The following WARS2 variants were observed in gnomAD, a reference collection of about 807,000 sequenced individuals.
WARS2 encodes the protein tryptophan--tRNA ligase, mitochondrial.
WARS2 carries 28 observed loss-of-function variants against 36.5 expected under a neutral mutation model. That is an observed-to-expected ratio of 0.77 (90% CI 0.57 to 1.05). The LOEUF (loss-of-function observed/expected upper bound fraction) is 1.05. Among genes scored for constraint, WARS2 ranks in the 50% least tolerant of loss-of-function variants. The probability of loss-of-function intolerance (pLI) is 0.00; values close to 1 mark genes in which losing one functional copy is unlikely to be tolerated. For missense variants in WARS2, 435 were observed against 456.8 expected, an observed-to-expected ratio of 0.95 and a Z score of 0.44; for synonymous variants, 174 against 178.4, an observed-to-expected ratio of 0.98 and a Z score of 0.20.
At chr1:119,130,268 C>T (rs927188884) in intron 1 of WARS2, among the ~76,000 whole-genome samples, 1 of 152,176 alleles carries the variant, frequency 6.6e-6, no homozygotes, top group Non-Finnish European at 1.5e-5. Flanking sequence ...ATATGGCACA[C>T]TTATTGAACT....
At chr1:119,083,215 C>A (rs754517999) in intron 1 of WARS2, among the ~76,000 whole-genome samples, 2 of 151,964 alleles carry the variant, frequency 1.3e-5, no homozygotes, top group Non-Finnish European at 2.9e-5. Flanking sequence ...GGTGACAGAG[C>A]GCTACTCCAT....
intron 4 of WARS2, among the ~76,000 whole-genome samples, chr1:119,038,919 T>G (rs1415153571): frequency 6.6e-6 from 1 of 152,160 alleles, no homozygotes; most frequent in Non-Finnish European, 1.5e-5. Context: ...TGAGCTCAGG[T>G]GATCTGCCTG....
intron 3 of WARS2, among the ~76,000 whole-genome samples, chr1:119,044,552 CAA>C (rs1648634418): frequency 6.6e-6 from 1 of 152,180 alleles, no homozygotes; most frequent in South Asian, 2.1e-4. Flanking sequence ...GCTGCTATAA[CAA>C]AATACCCAGC....
Position 119,042,332 on chromosome 1 carries a change from C to G in WARS2, c.447G>C (p.Gln149His), listed in dbSNP as rs1648443831. The change falls in exon 4 of 6, where the codon CAG becomes CAC. Residue 149 changes from glutamine (Q) to histidine (H), a missense_variant. Transcript: ENST00000235521. ...LHQWKAKTTK[Q>H]KHDGTVGLLT... ...GCAGGCCCACCGTGCCATCGTGCTT[C>G]TGCTTGGTAGTCTTTGCCTGTGAGA... The G allele has an allele frequency of 6.2e-7, 1 of 1,613,690 alleles. No individual in the cohort carries two copies. The highest frequency in any genetic ancestry group is 1.3e-5 in the African/African-American group (1 of 74,846).
Position 119,140,652 on chromosome 1 carries a change from A to G in WARS2, c.-8T>C, listed in dbSNP as rs1220400139. On this transcript the variant is annotated 5_prime_UTR_variant, in exon 1 of 6. Transcript: ENST00000235521. ...CATTGAGTGCAGCGCCATCTTGAGA[A>G]GGGCGGAGCCGTCTTGTTTGGAATG... 6.2e-6 allele frequency: 10 copies of G among 1,610,092 alleles called. No individual in the cohort carries two copies. The highest frequency in any genetic ancestry group is 2.2e-5 in the East Asian group (1 of 44,738).
chr1:119,050,177 A>G (rs1394895430), intron 2 of WARS2, among the ~76,000 whole-genome samples: 1 of 152,134 alleles, frequency 6.6e-6, no homozygotes, highest in African/African-American at 2.4e-5. Context: ...GTTCTCAGAA[A>G]ACACCAAGTA....
At chr1:119,067,069 G>C (rs1305883171) in intron 2 of WARS2, among the ~76,000 whole-genome samples, 1 of 152,136 alleles carries the variant, frequency 6.6e-6, no homozygotes, top group Non-Finnish European at 1.5e-5. Flanking sequence ...TTTCCATTTA[G>C]TTAGTTTGAC....
intron 1 of WARS2, among the ~76,000 whole-genome samples, chr1:119,138,017 C>T (rs1372584547): frequency 3.9e-5 from 6 of 152,270 alleles, no homozygotes; most frequent in African/African-American, 1.4e-4. Context: ...TGCTTTACAC[C>T]TAAGGGAGTA....
chr1:119,137,859 G>T (rs192253188), intron 1 of WARS2, among the ~76,000 whole-genome samples: 2 of 152,140 alleles, frequency 1.3e-5, no homozygotes, highest in African/African-American at 4.8e-5. Flanking sequence ...CATCCTCTGA[G>T]ATAAGCAAAG....
chr1:119,135,743 T>TAGAG (rs1314963771), intron 1 of WARS2, among the ~76,000 whole-genome samples: 4 of 115,290 alleles, frequency 3.5e-5, no homozygotes, highest in Middle Eastern at 4.3e-3. Flanking sequence ...GATAGATAGA[T>TAGAG]AGATAGATAG....
intron 1 of WARS2, among the ~76,000 whole-genome samples, chr1:119,115,381 G>T (rs1236499215): frequency 6.6e-6 from 1 of 152,040 alleles, no homozygotes; most frequent in Non-Finnish European, 1.5e-5. Flanking sequence ...GATATATATT[G>T]TCACTGAAAA....
At chr1:119,126,925 G>C (rs1243157479) in intron 1 of WARS2, 8 of 762,576 alleles carry the variant, frequency 1.0e-5, no homozygotes, top group Admixed American at 1.9e-5. Flanking sequence ...ACACAGAACA[G>C]ATGAAGCAAT....
In WARS2 at chr1:119,113,363, G is replaced by A. The variant is rs587621889; in HGVS notation, c.90+27192C>T. 2.0e-5 allele frequency among the ~76,000 whole-genome samples: 3 copies of A among 152,202 alleles called. No homozygotes were observed. The South Asian group carries it at 6.2e-4, about 32-fold the overall frequency. The stretch of plus-strand genomic sequence containing the variant: ...GGTGAAACCTATTGTCTGAGCCCAG[G>A]TCATGTGCCTTTCCTTGCTCATTTT... On this transcript the variant is annotated intron_variant, in intron 1 of 5. Transcript: ENST00000235521.
chr1:119,067,156 C>T (rs1266934385), intron 2 of WARS2, among the ~76,000 whole-genome samples: 4 of 152,024 alleles, frequency 2.6e-5, no homozygotes, highest in Non-Finnish European at 4.4e-5. Flanking sequence ...AGAATATGGG[C>T]AGCATGATGC....
chr1:119,126,267 G>GA (rs55996448), intron 1 of WARS2, among the ~76,000 whole-genome samples: 40 of 137,008 alleles, frequency 2.9e-4, no homozygotes, highest in Middle Eastern at 3.7e-3. Flanking sequence ...GAGCAGTTTT[G>GA]AAAAAAAAAA....
chr1:119,088,316 G>T (rs940005679), intron 1 of WARS2, among the ~76,000 whole-genome samples: 4 of 152,034 alleles, frequency 2.6e-5, no homozygotes, highest in Admixed American at 2.6e-4. Context: ...CATGAGCAAT[G>T]GGAGTTTTAA....
At chr1:119,096,718 T>C (rs587613501) in intron 1 of WARS2, among the ~76,000 whole-genome samples, 2 of 152,308 alleles carry the variant, frequency 1.3e-5, no homozygotes, top group African/African-American at 4.8e-5. Context: ...TATGGCTTTT[T>C]ATACTATATA....
intron 1 of WARS2, chr1:119,085,810 C>T: frequency 6.2e-7 from 1 of 1,609,604 alleles, no homozygotes; most frequent in East Asian, 2.2e-5. Flanking sequence ...ATGTCCCCTT[C>T]AGTCAGCTCA....
At chr1:119,116,428 A>G (rs934730962) in intron 1 of WARS2, among the ~76,000 whole-genome samples, 1 of 152,232 alleles carries the variant, frequency 6.6e-6, no homozygotes, top group Non-Finnish European at 1.5e-5. Flanking sequence ...CAGTGTCTGG[A>G]GACTCACATT....
Sources: allele counts gnomAD v4.1 joint callset (sites outside exome capture counted in the v4.1 genomes callset), GRCh38; gene constraint gnomAD v4.1.1; transcripts MANE v1.5; gene names NCBI Gene and HGNC (gene_info 2026-07-23, HGNC 2026-07-21).